The following MYO5B variants were observed in gnomAD, a reference collection of about 807,000 sequenced individuals.
MYO5B encodes the protein myosin VB.
Under a neutral mutation model 229.3 loss-of-function variants are expected in MYO5B, and 143 were observed. The ratio of observed to expected loss-of-function variants is 0.62; its 90% CI spans 0.54 to 0.72. The LOEUF (loss-of-function observed/expected upper bound fraction) is 0.72, where lower values mean the gene tolerates loss of function less well. Among genes scored for constraint, MYO5B ranks in the 30% least tolerant of loss-of-function variants. MYO5B has a pLI of 0.00. For synonymous variants in MYO5B, 918 were observed against 885.2 expected (o/e 1.04, Z -0.66); for missense variants, 2,321 against 2,331.0 (o/e 1.00, Z 0.09).
At chr18:50,001,913 G>A (rs1200563425) in intron 4 of MYO5B, among the ~76,000 whole-genome samples, 3 of 152,010 alleles carry the variant, frequency 2.0e-5, no homozygotes, top group Non-Finnish European at 2.9e-5. Flanking sequence ...GCACACGCCT[G>A]TAGTCCCAGC....
intron 12 of MYO5B, among the ~76,000 whole-genome samples, chr18:49,959,680 T>C (rs2025535477): frequency 6.6e-6 from 1 of 152,208 alleles, no homozygotes. Flanking sequence ...ATACAGCGCC[T>C]GGGCTTCACT....
At position 49,984,724 on chromosome 18, in the gene MYO5B, G is replaced by T. The variant is rs2025852675; in HGVS notation, c.940C>A (p.Leu314Ile). Residue 314 changes from leucine (L) to isoleucine (I), a missense_variant, in exon 8 of 40, where the codon CTC becomes ATC. By Grantham distance (5) the Leu-to-Ile change is conservative. Around this residue, in one of 2 missense-constraint regions of MYO5B, gnomAD observed 2,113 missense variants for 2,044.7 expected, o/e 1.03. Coordinates refer to ENST00000285039, the MANE Select transcript of MYO5B (RefSeq NM_001080467.3). ...CAACTAAGAAGCTCCTTACCGAGGA[G>T]TGTGAAGGCTTGTCGAGTCTTCTCA... ...DFEKTRQAFT[L>I]LGVKESHQMS... 10 of 1,607,336 alleles carry T rather than the reference G, an allele frequency of 6.2e-6. No individual in the cohort carries two copies. The highest frequency in any genetic ancestry group is 7.7e-6 in the Non-Finnish European group (9 of 1,173,864).
chr18:50,162,759 T>C (rs1477223936), intron 1 of MYO5B, among the ~76,000 whole-genome samples: 1 of 152,188 alleles, frequency 6.6e-6, no homozygotes, highest in Non-Finnish European at 1.5e-5. Context: ...GTGCCAACCT[T>C]TCTGAGGCAG....
At chr18:49,964,778 C>T (rs1453147611) in intron 10 of MYO5B, among the ~76,000 whole-genome samples, 4 of 152,142 alleles carry the variant, frequency 2.6e-5, no homozygotes, top group Admixed American at 2.0e-4. Flanking sequence ...CGCTTTGTAT[C>T]TTAGAATATC....
intron 1 of MYO5B, among the ~76,000 whole-genome samples, chr18:50,133,647 C>A (rs1324516059): frequency 6.6e-6 from 1 of 152,212 alleles, no homozygotes; most frequent in Non-Finnish European, 1.5e-5. Flanking sequence ...GTATATTACA[C>A]TCCAGCTTAT....
chr18:50,140,999 C>T (rs1353001744), intron 1 of MYO5B, among the ~76,000 whole-genome samples: 3 of 152,192 alleles, frequency 2.0e-5, no homozygotes, highest in Non-Finnish European at 2.9e-5. Context: ...TCAACTGAGC[C>T]GCAGTGTTCA....
intron 1 of MYO5B, among the ~76,000 whole-genome samples, chr18:50,108,831 A>G (rs2031810948): frequency 6.6e-6 from 1 of 152,214 alleles, no homozygotes; most frequent in South Asian, 2.1e-4. Context: ...CCAGCTCTGA[A>G]GTGTTCAAGT....
chr18:50,151,603 C>G (rs2032599134), intron 1 of MYO5B, among the ~76,000 whole-genome samples: 1 of 152,194 alleles, frequency 6.6e-6, no homozygotes, highest in Non-Finnish European at 1.5e-5. Context: ...TAAACTACAA[C>G]ACATTGTTAT....
chr18:49,947,806 T>C (rs929059727), intron 14 of MYO5B, among the ~76,000 whole-genome samples: 1 of 152,192 alleles, frequency 6.6e-6, no homozygotes, highest in African/African-American at 2.4e-5. Flanking sequence ...TTCATTCCTA[T>C]ATATAGCTTT....
At chr18:49,922,947 G>A (rs866099122) in intron 17 of MYO5B, among the ~76,000 whole-genome samples, 2 of 152,192 alleles carry the variant, frequency 1.3e-5, no homozygotes, top group Non-Finnish European at 2.9e-5. Context: ...TGAACAGTAG[G>A]AGAATCCATT....
chr18:50,181,425 T>A (rs982648732), intron 1 of MYO5B, among the ~76,000 whole-genome samples: 8 of 152,222 alleles, frequency 5.3e-5, no homozygotes, highest in African/African-American at 1.9e-4. Context: ...CATCCATACC[T>A]GGAAGCAACA....
intron 39 of MYO5B, among the ~76,000 whole-genome samples, chr18:49,831,108 A>C (rs2144021262): frequency 6.6e-6 from 1 of 152,324 alleles, no homozygotes; most frequent in South Asian, 2.1e-4. Context: ...AGAAGAATGA[A>C]GTGGGACATT....
intron 1 of MYO5B, among the ~76,000 whole-genome samples, chr18:50,124,664 T>C (rs1268236166): frequency 6.6e-6 from 1 of 152,194 alleles, no homozygotes; most frequent in Non-Finnish European, 1.5e-5. Flanking sequence ...ATCTGGAATA[T>C]GCATAAACCT....
At chr18:50,145,194 G>A (rs2032480111) in intron 1 of MYO5B, among the ~76,000 whole-genome samples, 2 of 152,158 alleles carry the variant, frequency 1.3e-5, no homozygotes, top group East Asian at 1.9e-4. Context: ...AGTTTTAAGA[G>A]CAGCAATTCT....
chr18:50,127,916 G>A (rs1363556384), intron 1 of MYO5B, among the ~76,000 whole-genome samples: 1 of 152,210 alleles, frequency 6.6e-6, no homozygotes, highest in Non-Finnish European at 1.5e-5. Flanking sequence ...TTTGAGCTGG[G>A]ACACTGCTAT....
At chr18:50,126,862 G>C (rs183715514) in intron 1 of MYO5B, among the ~76,000 whole-genome samples, 193 of 152,308 alleles carry the variant, frequency 1.3e-3, no homozygotes, top group African/African-American at 4.2e-3. Flanking sequence ...CAAGTTACTA[G>C]ATCTCTGAAT....
chr18:50,134,554 C>CAATA (rs57536679), intron 1 of MYO5B, among the ~76,000 whole-genome samples: 4,120 of 141,446 alleles, frequency 0.029, 109 homozygotes, highest in African/African-American at 0.074. Context: ...GACTCCATCT[C>CAATA]AATAAATAAA....
chr18:49,898,986 A>C (rs2024812003), intron 21 of MYO5B, among the ~76,000 whole-genome samples: 2 of 152,198 alleles, frequency 1.3e-5, no homozygotes, highest in Non-Finnish European at 1.5e-5. Flanking sequence ...TTTGAGCTAG[A>C]TGTTACCTTA....
intron 16 of MYO5B, among the ~76,000 whole-genome samples, chr18:49,932,762 G>A (rs986668100): frequency 2.6e-5 from 4 of 152,190 alleles, no homozygotes; most frequent in South Asian, 2.1e-4. Context: ...ATCTTTCCCT[G>A]TTCACATATC....
Sources: allele counts gnomAD v4.1 joint callset (sites outside exome capture counted in the v4.1 genomes callset), GRCh38; gene constraint gnomAD v4.1.1; regional missense constraint gnomAD v4.1.1; transcripts MANE v1.5; gene names NCBI Gene and HGNC (gene_info 2026-07-23, HGNC 2026-07-21).